Variants in NRXN1 observed in about 807,000 individuals in gnomAD.
NRXN1 encodes the protein neurexin-1.
NRXN1 carries 39 observed loss-of-function variants against 150.9 expected under a neutral mutation model. The observed-to-expected ratio is 0.26, with a 90% CI of 0.20 to 0.34. NRXN1 has a LOEUF of 0.34. Among genes scored for constraint, NRXN1 ranks in the 10% least tolerant of loss-of-function variants. The probability of loss-of-function intolerance (pLI) is 1.00; values close to 1 mark genes in which losing one functional copy is unlikely to be tolerated. For synonymous variants in NRXN1, 924 were observed against 757.0 expected (o/e 1.22, Z -3.62); for missense variants, 1,815 against 1,949.9 (o/e 0.93, Z 1.30).
chr2:50,098,831 T>TGG (rs200888709), intron 18 of NRXN1, among the ~76,000 whole-genome samples: 9 of 2,950 alleles, frequency 3.1e-3, no homozygotes, highest in African/African-American at 0.019. Context: ...TTGGTTTTAG[T>TGG]TTTTTTTTTT....
Position 50,222,168 on chromosome 2 carries a change from C to T in NRXN1, c.3546+14621G>A, listed in dbSNP as rs2152859333. Among the ~76,000 whole-genome samples the T allele has an allele frequency of 1.3e-5, 2 of 152,054 alleles. 1 individual carries two copies. ...TGGCTTTTCCCATAATATTGTGAAG[C>T]CACATTTTACTGAAAAGAGCCGCAT... On this transcript the variant is annotated intron_variant, in intron 18 of 22. Transcript: ENST00000401669.
chr2:50,749,342 T>C (rs1405473614), intron 5 of NRXN1, among the ~76,000 whole-genome samples: 1 of 152,060 alleles, frequency 6.6e-6, no homozygotes, highest in African/African-American at 2.4e-5. Flanking sequence ...GGCCCTGCTC[T>C]ATGTTAGAAT....
intron 5 of NRXN1, among the ~76,000 whole-genome samples, chr2:50,664,396 C>CGTGTGTGTGTGT (rs35702112): frequency 1.1e-4 from 12 of 108,038 alleles, no homozygotes; most frequent in African/African-American, 3.1e-4. Context: ...AAGTTTAAAG[C>CGTGTGTGTGTGT]GTGTGTGTGT....
chr2:50,161,454 G>A (rs893857068), intron 18 of NRXN1, among the ~76,000 whole-genome samples: 1 of 152,094 alleles, frequency 6.6e-6, no homozygotes, highest in African/African-American at 2.4e-5. Context: ...AAAATGTTGA[G>A]GATGTCAGGC....
intron 17 of NRXN1, among the ~76,000 whole-genome samples, chr2:50,421,669 A>G (rs1268794951): frequency 6.6e-6 from 1 of 152,194 alleles, no homozygotes; most frequent in East Asian, 1.9e-4. Flanking sequence ...GCAGGATGAC[A>G]TCACCCATAT....
At chr2:49,987,315 G>A (rs1328745766) in intron 21 of NRXN1, among the ~76,000 whole-genome samples, 6 of 152,020 alleles carry the variant, frequency 3.9e-5, no homozygotes, top group Non-Finnish European at 8.8e-5. Flanking sequence ...CACTGAAAAG[G>A]TCTTACAACA....
intron 21 of NRXN1, among the ~76,000 whole-genome samples, chr2:50,032,872 T>G (rs1689390112): frequency 1.3e-5 from 2 of 151,846 alleles, no homozygotes; most frequent in South Asian, 4.1e-4. Flanking sequence ...TCCCAAACTG[T>G]AGCATAATAA....
intron 5 of NRXN1, among the ~76,000 whole-genome samples, chr2:50,817,645 A>G (rs1343016299): frequency 6.6e-6 from 1 of 152,124 alleles, no homozygotes. Context: ...GCATATTAAA[A>G]GTATCATACA....
intron 2 of NRXN1, among the ~76,000 whole-genome samples, chr2:50,948,239 T>G (rs1215717177): frequency 1.3e-5 from 2 of 151,974 alleles, no homozygotes; most frequent in East Asian, 3.9e-4. Flanking sequence ...TATTGACAAC[T>G]TTTTAATCAT....
intron 17 of NRXN1, among the ~76,000 whole-genome samples, chr2:50,248,863 T>G (rs547120035): frequency 5.3e-5 from 8 of 152,220 alleles, no homozygotes; most frequent in African/African-American, 1.4e-4. Context: ...GCATACGTTT[T>G]GGGCTGGGTA....
intron 5 of NRXN1, among the ~76,000 whole-genome samples, chr2:50,734,218 G>A (rs1482783573): frequency 6.6e-6 from 1 of 152,124 alleles, no homozygotes; most frequent in Non-Finnish European, 1.5e-5. Flanking sequence ...CCAATCTTCA[G>A]AAACCCCGTC....
chr2:50,907,139 G>A (rs150359797), intron 5 of NRXN1, among the ~76,000 whole-genome samples: 1 of 149,934 alleles, frequency 6.7e-6, no homozygotes, highest in East Asian at 2.0e-4. Context: ...CTATACTCTG[G>A]AGGGAAAAAT....
intron 22 of NRXN1, among the ~76,000 whole-genome samples, chr2:49,935,593 C>G (rs1415924025): frequency 2.0e-5 from 3 of 152,116 alleles, no homozygotes; most frequent in African/African-American, 7.2e-5. Context: ...AGGCTAAAGC[C>G]AAATGTAGCA....
intron 2 of NRXN1, among the ~76,000 whole-genome samples, chr2:50,953,386 T>C (rs1374263305): frequency 6.6e-6 from 1 of 152,200 alleles, no homozygotes; most frequent in African/African-American, 2.4e-5. Context: ...TTCAGTTCAC[T>C]ATTTTAAGAG....
Position 50,127,210 on chromosome 2 carries a change from T to C in NRXN1, c.3547-35716A>G, listed in dbSNP as rs186901470. The stretch of plus-strand genomic sequence containing the variant: ...ACAATAGTTGAATCTGAATTAAATA[T>C]GAGGGAATCTTAAAAGGGCAAGGTA... On this transcript the variant is annotated intron_variant, in intron 18 of 22. Transcript: ENST00000401669. Among the ~76,000 whole-genome samples the C allele has an allele frequency of 2.0e-4, 31 of 152,260 alleles. No homozygotes were observed. In the East Asian group the frequency reaches 6.0e-3, roughly 29 times the overall value.
intron 15 of NRXN1, among the ~76,000 whole-genome samples, chr2:50,495,474 C>T (rs1383762201): frequency 6.6e-6 from 1 of 150,940 alleles, no homozygotes; most frequent in African/African-American, 2.4e-5. Flanking sequence ...AAGCCAGGCT[C>T]AAACTCCTGT....
At position 51,005,403 on chromosome 2, in the gene NRXN1, C is replaced by T. The variant is rs112802155; in HGVS notation, c.772+22099G>A. The stretch of plus-strand genomic sequence containing the variant: ...GATCAGCATATCCATCAGTTCAAAC[C>T]TTATCATTTCTTTGTGCTGGGAACA... On this transcript the variant is annotated intron_variant, in intron 2 of 22. Coordinates refer to ENST00000401669, the MANE Select transcript of NRXN1 (RefSeq NM_001330078.2). Among the ~76,000 whole-genome samples the T allele has an allele frequency of 1.8e-3, 268 of 151,998 alleles. 3 individuals carry two copies. Among genetic ancestry groups the T allele is most frequent in the African/African-American group, 6.3e-3 (260 of 41,504 alleles).
chr2:50,657,580 A>C (rs1686678834), intron 5 of NRXN1, among the ~76,000 whole-genome samples: 1 of 152,048 alleles, frequency 6.6e-6, no homozygotes, highest in South Asian at 2.1e-4. Context: ...TCCCTGTGAC[A>C]GAATGTCAGG....
chr2:50,027,570 T>C (rs959967654), intron 21 of NRXN1, among the ~76,000 whole-genome samples: 18 of 152,062 alleles, frequency 1.2e-4, no homozygotes, highest in African/African-American at 3.9e-4. Context: ...AGCTCCTGAG[T>C]AGCTGGGACT....
Sources: gnomAD v4.1 joint callset for allele counts (sites outside exome capture counted in the v4.1 genomes callset) on GRCh38, gnomAD v4.1.1 for gene constraint, MANE v1.5 for transcripts, NCBI Gene and HGNC (gene_info 2026-07-23, HGNC 2026-07-21) for gene names.